Variants in PUDP observed in about 807,000 individuals in gnomAD.
PUDP encodes pseudouridine-5'-phosphatase.
PUDP carries 8 observed loss-of-function variants against 9.4 expected under a neutral mutation model. The ratio of observed to expected loss-of-function variants is 0.85; its 90% CI spans 0.50 to 1.53. The LOEUF (loss-of-function observed/expected upper bound fraction) is 1.53, where lower values mean the gene tolerates loss of function less well. PUDP is among the 40% of genes most tolerant of loss of function. The pLI is 0.00. For missense variants in PUDP, 188 were observed against 189.7 expected, an observed-to-expected ratio of 0.99 and a Z score of 0.05; for synonymous variants, 99 against 80.7, an observed-to-expected ratio of 1.23 and a Z score of -1.22.
At chrX:6,819,702 T>G (rs1174404433) in intron 3 of PUDP, among the ~76,000 whole-genome samples, 1 of 112,158 alleles carries the variant, frequency 8.9e-6, no homozygotes, top group Non-Finnish European at 1.9e-5. Flanking sequence ...CAGGGGACTT[T>G]GCAGTCTTTT....
At chrX:6,723,601 C>T (rs751655824), upstream of PUDP, among the ~76,000 whole-genome samples, 1 of 108,460 alleles carries the variant, frequency 9.2e-6, no homozygotes, top group Non-Finnish European at 1.9e-5. Flanking sequence ...GAGACTAAGG[C>T]AAGAGGAGAG....
intron 3 of PUDP, among the ~76,000 whole-genome samples, chrX:6,889,208 T>C (rs1263606063): frequency 8.9e-6 from 1 of 112,535 alleles, no homozygotes; most frequent in African/African-American, 3.2e-5. Flanking sequence ...TGGGTTTTTT[T>C]CCTCTCTGCA....
chrX:7,014,157 G>A (rs1355816566), intron 1 of PUDP, among the ~76,000 whole-genome samples: 2 of 110,209 alleles, frequency 1.8e-5, no homozygotes, highest in African/African-American at 6.6e-5. Flanking sequence ...TTTCTCTGCC[G>A]TGTCATCTGC....
At chrX:7,078,883 T>C (rs1021186653) in intron 2 of PUDP, among the ~76,000 whole-genome samples, 4 of 111,417 alleles carry the variant, frequency 3.6e-5, no homozygotes, top group Non-Finnish European at 7.5e-5. Context: ...TGTCTAACAT[T>C]CAATCAAAAA....
At chrX:7,073,189 G>A (rs747678271) in intron 3 of PUDP, among the ~76,000 whole-genome samples, 61 of 112,111 alleles carry the variant, frequency 5.4e-4, no homozygotes, top group African/African-American at 1.9e-3. Flanking sequence ...GGCTTCTGAA[G>A]GTGGCCTTAT....
intron 1 of PUDP, among the ~76,000 whole-genome samples, chrX:6,720,240 ATG>A (rs1165718590): frequency 1.8e-5 from 1 of 55,669 alleles, no homozygotes; most frequent in Non-Finnish European, 3.2e-5. Context: ...GTGTGTATAT[ATG>A]TATGTGTGTG....
At chrX:6,763,396 C>T (rs116565494) in intron 3 of PUDP, among the ~76,000 whole-genome samples, 2,151 of 111,793 alleles carry the variant, frequency 0.019, 53 homozygotes, top group African/African-American at 0.066. Context: ...AAAAAAAATT[C>T]GTAACACCTT....
chrX:7,127,744 C>T (rs1932520279), intron 1 of PUDP, among the ~76,000 whole-genome samples: 1 of 112,105 alleles, frequency 8.9e-6, no homozygotes, highest in Non-Finnish European at 1.9e-5. Context: ...TAATAAATAA[C>T]CATTTAAATG....
chrX:6,847,242 C>A (rs906786879), intron 3 of PUDP, among the ~76,000 whole-genome samples: 2 of 110,722 alleles, frequency 1.8e-5, no homozygotes, highest in African/African-American at 3.3e-5. Context: ...TTTGATTATG[C>A]AAATCTATTT....
chrX:6,740,007 G>A (rs962238148), intron 3 of PUDP, among the ~76,000 whole-genome samples: 1 of 111,290 alleles, frequency 9.0e-6, no homozygotes, highest in African/African-American at 3.3e-5. Flanking sequence ...GAATGTCTCT[G>A]TCATGTTTGA....
chrX:6,994,589 A>T (rs1394274874), intron 1 of PUDP, among the ~76,000 whole-genome samples: 1 of 111,223 alleles, frequency 9.0e-6, no homozygotes, highest in African/African-American at 3.3e-5. Context: ...CTAAGGCAAA[A>T]CTTTGCTTGA....
chrX:6,872,058 T>C (rs922679416), intron 3 of PUDP, among the ~76,000 whole-genome samples: 2 of 111,053 alleles, frequency 1.8e-5, no homozygotes, highest in African/African-American at 6.6e-5. Flanking sequence ...GGGGTCTCTT[T>C]CATAAGGGCA....
intron 3 of PUDP, among the ~76,000 whole-genome samples, chrX:6,726,754 T>C (rs1273458247): frequency 9.0e-6 from 1 of 111,489 alleles, no homozygotes; most frequent in African/African-American, 3.3e-5. Flanking sequence ...TCAGGAAGCC[T>C]TCCTGGAAAT....
chrX:6,867,338 G>A (rs1028447142), intron 3 of PUDP, among the ~76,000 whole-genome samples: 2 of 112,102 alleles, frequency 1.8e-5, no homozygotes, highest in African/African-American at 6.5e-5. Context: ...AGGCATGGCA[G>A]ATTCAGCACT....
At chrX:6,950,411 T>C (rs747906278) in intron 3 of PUDP, among the ~76,000 whole-genome samples, 23,051 of 84,244 alleles carry the variant, frequency 0.27, 3,005 homozygotes, top group Non-Finnish European at 0.38. Flanking sequence ...CATTTCTTTT[T>C]TTTTTTTTTT....
chrX:6,722,676 G>A (rs915235997), upstream of PUDP, among the ~76,000 whole-genome samples: 1 of 111,332 alleles, frequency 9.0e-6, no homozygotes, highest in African/African-American at 3.3e-5. Context: ...GGTTTAAAAG[G>A]AATCAAACCC....
Position 6,927,031 on chromosome X carries a change from A to C in PUDP, c.*247+50102T>G, listed in dbSNP as rs900916649. ...CAGCCTCAAACTCCTAGGCTCAAGC[A>C]ATCCTCCTGCGTCAGCCTCCTGAGT... On this transcript the variant is annotated intron_variant and NMD_transcript_variant, in intron 3 of 3. Transcript: ENST00000655425. 2.8e-5 allele frequency among the ~76,000 whole-genome samples: 3 copies of C among 105,318 alleles called. No homozygotes were observed. In the East Asian group the frequency reaches 9.1e-4, roughly 32 times the overall value. 91.5% of individuals were successfully genotyped at this position (105,318 alleles called of 115,157 possible). A position where few individuals can be genotyped will look rare whatever the true frequency, so the allele number is the denominator to read the frequency against.
chrX:7,026,751 A>AC (rs955137227), intron 1 of PUDP, among the ~76,000 whole-genome samples: 5 of 111,237 alleles, frequency 4.5e-5, no homozygotes, highest in African/African-American at 1.6e-4. Flanking sequence ...TGTTGCATAG[A>AC]CCCCCCTCCC....
intron 1 of PUDP, among the ~76,000 whole-genome samples, chrX:7,038,108 C>A (rs1929877043): frequency 2.0e-5 from 2 of 102,258 alleles, no homozygotes; most frequent in Non-Finnish European, 4.1e-5. Flanking sequence ...GATTGAAATG[C>A]ACCAGAGGAT....
Sources: gnomAD v4.1 joint callset for allele counts (sites outside exome capture counted in the v4.1 genomes callset) on GRCh38, gnomAD v4.1.1 for gene constraint, MANE v1.5 for transcripts, NCBI Gene and HGNC (gene_info 2026-07-23, HGNC 2026-07-21) for gene names.